SOCS5: variants seen among roughly 807,000 people sequenced by gnomAD.
The protein encoded by SOCS5 is suppressor of cytokine signaling 5, also known as CIS-6.
A neutral mutation model predicts 42.8 loss-of-function variants in SOCS5; 32 were observed. The observed-to-expected ratio is 0.75, with a 90% CI of 0.56 to 1.01. The LOEUF (loss-of-function observed/expected upper bound fraction) is 1.01, where lower values mean the gene tolerates loss of function less well. Among genes scored for constraint, SOCS5 ranks in the 50% least tolerant of loss-of-function variants. The probability of loss-of-function intolerance (pLI) is 0.00; values close to 1 mark genes in which losing one functional copy is unlikely to be tolerated. For synonymous variants in SOCS5, 283 were observed against 229.6 expected, an observed-to-expected ratio of 1.23 and a Z score of -2.10; for missense variants, 627 against 653.0, an observed-to-expected ratio of 0.96 and a Z score of 0.43.
chr2:46,754,729 A>T (rs1183177280), intron 1 of SOCS5, among the ~76,000 whole-genome samples: 1 of 152,208 alleles, frequency 6.6e-6, no homozygotes, highest in Non-Finnish European at 1.5e-5. Flanking sequence ...AATATTAAAT[A>T]ACAGTATAAA....
In SOCS5 at chr2:46,762,913, G is replaced by A. The variant is rs1163109522; in HGVS notation, c.*2772G>A. On this transcript the variant is annotated 3_prime_UTR_variant, in exon 2 of 2. Coordinates refer to ENST00000394861, the MANE Select transcript of SOCS5 (RefSeq NM_144949.3). ...ACCTCTCCCTTCCGCATACATATAAGTGTGTATTATATATTTATGTATGCA... is the reference window on the plus strand; with the variant it reads ...ACCTCTCCCTTCCGCATACATATAAATGTGTATTATATATTTATGTATGCA... 6.0e-6 allele frequency: 1 copy of A among 166,844 alleles called. No individual in the cohort carries two copies. Among genetic ancestry groups the A allele is most frequent in the Non-Finnish European group, 1.5e-5 (1 of 68,050 alleles). 10.3% of individuals were successfully genotyped at this position (166,844 alleles called of 1,614,324 possible).
In SOCS5 at chr2:46,759,654, AAATTAC is replaced by A; in HGVS notation, c.1126_1131del (p.Ile376_Thr377del). On this transcript the variant is annotated inframe_deletion, in exon 2 of 2. Transcript: ENST00000394861. Reference sequence around the variant, plus strand: ...CACTGCCTCGTGCCTGATTTGCTTCAAATTACAGGGAATCCCTGTTACTGGGGAGTG... The same window carrying A: ...CACTGCCTCGTGCCTGATTTGCTTCAAGGGAATCCCTGTTACTGGGGAGTG... 6.2e-7 allele frequency: 1 copy of A among 1,614,098 alleles called. No individual in the cohort carries two copies. Among genetic ancestry groups the A allele is most frequent in the Non-Finnish European group, 8.5e-7 (1 of 1,179,990 alleles).
chr2:46,699,139 C>G (rs1672281144), upstream of SOCS5: 1 of 154,004 alleles, frequency 6.5e-6, no homozygotes, highest in Non-Finnish European at 1.4e-5. This position sits in a 1 kb window ranked among gnomAD's most constrained non-coding sequence, Gnocchi z 4.8. Context: ...GAGGCGTGCC[C>G]CTGCCCGCCC....
chr2:46,730,338 C>T lies in SOCS5; in HGVS notation c.-12-28181C>T, dbSNP rs141281388. Among the ~76,000 whole-genome samples, 6 of 152,258 alleles carry T rather than the reference C, an allele frequency of 3.9e-5. No homozygotes were observed. In the South Asian group the frequency reaches 8.3e-4, roughly 21 times the overall value. On this transcript the variant is annotated intron_variant, in intron 1 of 1. Transcript: ENST00000394861. The stretch of plus-strand genomic sequence containing the variant: ...TAGGTTGGCCAGGCATGGTGGCTCA[C>T]GTCTGTAATCCCGGCACTTTGGGAG...
intron 1 of SOCS5, among the ~76,000 whole-genome samples, chr2:46,722,361 A>G (rs998340550): frequency 3.3e-5 from 5 of 152,116 alleles, no homozygotes; most frequent in Non-Finnish European, 7.4e-5. Flanking sequence ...ACGTCTCCAG[A>G]GTCTGCTTTT....
rs977052553 is a variant in SOCS5 at position 46,699,897 on chromosome 2, G to C, written c.-13+448G>C. On this transcript the variant is annotated intron_variant, in intron 1 of 1. Coordinates refer to ENST00000394861, the MANE Select transcript of SOCS5 (RefSeq NM_144949.3). The surrounding 1 kb of genome is among the most constrained non-coding windows in gnomAD (Gnocchi z 4.8). ...GACCAAGTCACTTGGGGCTCCAAGA[G>C]CCCGATCTGGGGGTCTTCAAGGTCG... Among the ~76,000 whole-genome samples, 3 of 152,100 alleles carry C rather than the reference G, an allele frequency of 2.0e-5. No individual in the cohort carries two copies. Among genetic ancestry groups the C allele is most frequent in the Non-Finnish European group, 4.4e-5 (3 of 68,008 alleles).
chr2:46,725,152 G>GAAAAT (rs1324616538), intron 1 of SOCS5, among the ~76,000 whole-genome samples: 17 of 151,784 alleles, frequency 1.1e-4, no homozygotes, highest in Admixed American at 4.6e-4. Flanking sequence ...GCTTTGAAAT[G>GAAAAT]TACCTATTTG....
chr2:46,720,971 T>TCTGCTCCTGC (rs1672870971), intron 1 of SOCS5, among the ~76,000 whole-genome samples: 1 of 152,144 alleles, frequency 6.6e-6, no homozygotes, highest in Admixed American at 6.6e-5. Flanking sequence ...GTGAGTCCGT[T>TCTGCTCCTGC]CTGCTCCTGC....
intron 1 of SOCS5, among the ~76,000 whole-genome samples, chr2:46,748,189 C>CT (rs35861326): frequency 0.29 from 39,550 of 138,706 alleles, 6,517 homozygotes; most frequent in Non-Finnish European, 0.37. Context: ...TTTTCTTTTT[C>CT]TTTTTTTTTT....
At chr2:46,748,548 T>C (rs1211483667) in intron 1 of SOCS5, among the ~76,000 whole-genome samples, 1 of 152,100 alleles carries the variant, frequency 6.6e-6, no homozygotes, top group Non-Finnish European at 1.5e-5. Context: ...CGCATTGTCC[T>C]GATCAGTTTC....
intron 1 of SOCS5, among the ~76,000 whole-genome samples, chr2:46,716,343 G>A (rs1306797936): frequency 8.8e-6 from 1 of 114,216 alleles, no homozygotes; most frequent in Non-Finnish European, 1.8e-5. Context: ...ATTTTTAATG[G>A]ATTTCATGAT....
chr2:46,705,119 C>T (rs1672433323), intron 1 of SOCS5, among the ~76,000 whole-genome samples: 1 of 152,188 alleles, frequency 6.6e-6, no homozygotes, highest in Non-Finnish European at 1.5e-5. Context: ...TTTGTAATAA[C>T]CAGCAAAAGT....
At chr2:46,735,191 G>A (rs1356232560) in intron 1 of SOCS5, among the ~76,000 whole-genome samples, 1 of 152,186 alleles carries the variant, frequency 6.6e-6, no homozygotes, top group Admixed American at 6.5e-5. Context: ...GCAGTGTAGG[G>A]CTAAAATGAC....
intron 1 of SOCS5, among the ~76,000 whole-genome samples, chr2:46,751,175 G>A (rs1473476420): frequency 6.6e-6 from 1 of 152,058 alleles, no homozygotes; most frequent in Admixed American, 6.6e-5. Flanking sequence ...GAAGTAAAAT[G>A]CTTATGTCAG....
chr2:46,714,998 A>C (rs1672707010), intron 1 of SOCS5, among the ~76,000 whole-genome samples: 2 of 152,004 alleles, frequency 1.3e-5, no homozygotes, highest in South Asian at 4.1e-4. Context: ...AGTTACTTCC[A>C]TTTCTTCTTT....
intron 1 of SOCS5, among the ~76,000 whole-genome samples, chr2:46,756,355 G>T (rs1055668147): frequency 2.0e-5 from 3 of 152,110 alleles, no homozygotes; most frequent in Non-Finnish European, 2.9e-5. Flanking sequence ...TCTGAAAGGG[G>T]CTAGATAGAA....
chr2:46,730,445 A>C (rs755928291), intron 1 of SOCS5, among the ~76,000 whole-genome samples: 1 of 152,128 alleles, frequency 6.6e-6, no homozygotes, highest in Non-Finnish European at 1.5e-5. Flanking sequence ...TACTAAAAAT[A>C]CAAAATTAGC....
intron 1 of SOCS5, among the ~76,000 whole-genome samples, chr2:46,718,325 A>G (rs1399982318): frequency 6.6e-6 from 1 of 152,202 alleles, no homozygotes; most frequent in Non-Finnish European, 1.5e-5. Context: ...TTAGGAGTTT[A>G]CTTTTTCTTC....
At chr2:46,733,581 GA>G (rs78296105) in intron 1 of SOCS5, among the ~76,000 whole-genome samples, 3,918 of 92,046 alleles carry the variant, frequency 0.043, 101 homozygotes, top group African/African-American at 0.13. Context: ...AAAAAAAAAA[GA>G]AAAAAAAAAA....
Sources: gnomAD v4.1 joint callset for allele counts (sites outside exome capture counted in the v4.1 genomes callset) on GRCh38, gnomAD v4.1.1 for gene constraint, Gnocchi (gnomAD v3.1) non-coding constraint, MANE v1.5 for transcripts, NCBI Gene and HGNC (gene_info 2026-07-23, HGNC 2026-07-21) for gene names.